The following PACSIN2 variants were observed in gnomAD, a reference collection of about 807,000 sequenced individuals.
The protein encoded by PACSIN2 is protein kinase C and casein kinase substrate in neurons 2.
A neutral mutation model predicts 63.8 loss-of-function variants in PACSIN2; 25 were observed. That is an observed-to-expected ratio of 0.39 (90% CI 0.29 to 0.55). The LOEUF (loss-of-function observed/expected upper bound fraction) is 0.55. Among genes scored for constraint, PACSIN2 ranks in the 20% least tolerant of loss-of-function variants. The pLI, the probability that PACSIN2 is intolerant of heterozygous loss-of-function variation, is 0.62. For synonymous variants in PACSIN2, 255 were observed against 256.2 expected (o/e 1.00, Z 0.05); for missense variants, 518 against 646.9 (o/e 0.80, Z 2.16).
At chr22:42,911,917 G>A (rs1650862084) in intron 2 of PACSIN2, 104 bp downstream of exon 2, 1 of 771,722 alleles carries the variant, frequency 1.3e-6, no homozygotes, top group African/African-American at 1.8e-5. Flanking sequence ...CTGGTTTGGG[G>A]GTATGTTCAC....
chr22:42,998,615 T>C (rs1164966499), intron 1 of PACSIN2, among the ~76,000 whole-genome samples: 3 of 152,246 alleles, frequency 2.0e-5, no homozygotes, highest in East Asian at 1.9e-4. Flanking sequence ...AGTAAACTGG[T>C]ATTTTGTTAA....
At chr22:42,895,886 G>A (rs992067979) in intron 2 of PACSIN2, among the ~76,000 whole-genome samples, 2 of 152,182 alleles carry the variant, frequency 1.3e-5, no homozygotes, top group Non-Finnish European at 2.9e-5. Context: ...GTTGTGTGGT[G>A]GCCGGTGAAG....
At chr22:43,012,544 G>C (rs1415305445) in intron 1 of PACSIN2, among the ~76,000 whole-genome samples, 1 of 151,998 alleles carries the variant, frequency 6.6e-6, no homozygotes, top group Non-Finnish European at 1.5e-5. Context: ...GCAGTGGTGT[G>C]ATCTCAGTGC....
At chr22:42,968,820 G>C (rs1489259713) in intron 1 of PACSIN2, among the ~76,000 whole-genome samples, 1 of 152,198 alleles carries the variant, frequency 6.6e-6, no homozygotes, top group Non-Finnish European at 1.5e-5. Context: ...GCCAGCCTTT[G>C]GACTCCTGGA....
At chr22:42,918,007 T>C (rs1931926183) in intron 1 of PACSIN2, among the ~76,000 whole-genome samples, 1 of 152,170 alleles carries the variant, frequency 6.6e-6, no homozygotes, top group Admixed American at 6.5e-5. Flanking sequence ...AAATATAATG[T>C]TTACTGCACC....
intron 2 of PACSIN2, among the ~76,000 whole-genome samples, chr22:42,904,717 G>GC (rs5845570): frequency 6.6e-6 from 1 of 151,832 alleles, no homozygotes; most frequent in Non-Finnish European, 1.5e-5. Context: ...TGCTTCCACA[G>GC]CCCCCCCATA....
intron 1 of PACSIN2, among the ~76,000 whole-genome samples, chr22:43,006,875 C>A (rs1030504880): frequency 6.6e-6 from 1 of 152,152 alleles, no homozygotes; most frequent in Non-Finnish European, 1.5e-5. Flanking sequence ...CAACCAAACA[C>A]GTAAATGCAG....
intron 7 of PACSIN2, among the ~76,000 whole-genome samples, chr22:42,881,517 G>A (rs1365379839): frequency 6.6e-6 from 1 of 152,172 alleles, no homozygotes; most frequent in East Asian, 1.9e-4. Flanking sequence ...GGCAGCTGAC[G>A]CCACGTGCTT....
chr22:43,014,855 CCA>C (rs956563910), intron 1 of PACSIN2, among the ~76,000 whole-genome samples, 164 bp downstream of exon 1: 2 of 151,536 alleles, frequency 1.3e-5, no homozygotes, highest in African/African-American at 4.8e-5. Context: ...TCGCCCCCTC[CCA>C]CAGAGACAGG....
At position 42,871,954 on chromosome 22, in the gene PACSIN2, C is replaced by T. The variant is rs1928178790; in HGVS notation, c.1349-485G>A. Among the ~76,000 whole-genome samples the T allele has an allele frequency of 6.6e-6, 1 of 152,180 alleles. No homozygotes were observed. Among genetic ancestry groups the T allele is most frequent in the East Asian group, 1.9e-4 (1 of 5,186 alleles). ...AGGCTGCGAGGGGAAGGGACCATGT[C>T]TGACAGTCATACCTGTCATTTTATC... is the stretch of plus-strand genomic sequence containing the variant. On this transcript the variant is annotated intron_variant, in intron 10 of 10. Transcript: ENST00000263246. The surrounding 1 kb of genome is among the most constrained non-coding windows in gnomAD (Gnocchi z 5.4).
intron 1 of PACSIN2, among the ~76,000 whole-genome samples, chr22:42,995,402 G>C (rs1923329175): frequency 6.6e-6 from 1 of 152,110 alleles, no homozygotes; most frequent in Non-Finnish European, 1.5e-5. Context: ...TGCTTGGTTG[G>C]GACTGAGTCA....
chr22:42,893,560 G>A lies in PACSIN2; in HGVS notation c.114C>T (p.Cys38=). ...VKRIDDGHRL[C]SDLMNCLHER... ...CATGCAGGCAGTTCATGAGGTCGCT[G>A]CACAGGCGGTGGCCATCGTCGATCC... Residue 38 remains cysteine (C), a synonymous_variant, in exon 3 of 11, where the codon TGC becomes TGT. Coordinates refer to ENST00000263246, the MANE Select transcript of PACSIN2 (RefSeq NM_001184970.3). 6.2e-7 allele frequency: 1 copy of A among 1,614,144 alleles called. No individual in the cohort carries two copies. Among genetic ancestry groups the A allele is most frequent in the African/African-American group, 1.3e-5 (1 of 75,056 alleles).
chr22:43,012,204 A>ACATACAT (rs1569380215), intron 1 of PACSIN2, among the ~76,000 whole-genome samples: 1 of 129,744 alleles, frequency 7.7e-6, no homozygotes, highest in Non-Finnish European at 1.7e-5. Context: ...CATACATACA[A>ACATACAT]ACATACAAAA....
chr22:42,940,881 T>G (rs1933127742), intron 1 of PACSIN2, among the ~76,000 whole-genome samples: 1 of 152,214 alleles, frequency 6.6e-6, no homozygotes, highest in South Asian at 2.1e-4. Flanking sequence ...ATTCTTGCTA[T>G]TTTTCTAACA....
chr22:42,879,186 G>A lies in PACSIN2; in HGVS notation c.907-17C>T, dbSNP rs367809915. On this transcript the variant is annotated splice_polypyrimidine_tract_variant and intron_variant, in intron 7 of 10. Transcript: ENST00000263246. ...GGACCACTCCTAGGCAACAGGTGCCGAGGGAGAGAAACCAAAGGTTCACTA... is the reference window on the plus strand; with the variant it reads ...GGACCACTCCTAGGCAACAGGTGCCAAGGGAGAGAAACCAAAGGTTCACTA... The A allele has an allele frequency of 1.7e-5, 28 of 1,609,704 alleles. No individual in the cohort carries two copies. The African/African-American group carries it at 2.1e-4, about 12-fold the overall frequency.
intron 6 of PACSIN2, 128 bp from the exon 7 acceptor site, chr22:42,882,432 G>C (rs2146647332): frequency 9.8e-7 from 1 of 1,020,774 alleles, no homozygotes; most frequent in Non-Finnish European, 1.4e-6. Flanking sequence ...GACAGAGCCA[G>C]AACACTCCTC....
At chr22:42,956,494 T>C (rs1176231954) in intron 1 of PACSIN2, among the ~76,000 whole-genome samples, 1 of 151,512 alleles carries the variant, frequency 6.6e-6, no homozygotes, top group Non-Finnish European at 1.5e-5. Context: ...GCAAACAATG[T>C]CATTCATTCA....
At position 42,893,617 on chromosome 22, in the gene PACSIN2, GGA is replaced by G; in HGVS notation, c.61-6_61-5del. ...CAGTCCGCTTGTAGTTCCCGACCTA[GGA>G]GAGAGAACCAGCTGGGAGGCAGGGG... is the stretch of plus-strand genomic sequence containing the variant. On this transcript the variant is annotated splice_polypyrimidine_tract_variant and splice_region_variant and intron_variant, in intron 2 of 10. Coordinates refer to ENST00000263246, the MANE Select transcript of PACSIN2 (RefSeq NM_001184970.3). 18 of 1,611,494 alleles carry G rather than the reference GGA, an allele frequency of 1.1e-5. No individual in the cohort carries two copies. Among genetic ancestry groups the G allele is most frequent in the Non-Finnish European group, 1.5e-5 (18 of 1,177,880 alleles).
intron 1 of PACSIN2, among the ~76,000 whole-genome samples, chr22:42,942,100 C>CTT (rs11404921): frequency 0.026 from 3,476 of 132,096 alleles, 155 homozygotes; most frequent in African/African-American, 0.087. Flanking sequence ...TTTAAGAGTT[C>CTT]TTTTTTTTTT....
Sources: gnomAD v4.1 joint callset for allele counts (sites outside exome capture counted in the v4.1 genomes callset) on GRCh38, gnomAD v4.1.1 for gene constraint, Gnocchi (gnomAD v3.1) non-coding constraint, MANE v1.5 for transcripts, NCBI Gene and HGNC (gene_info 2026-07-23, HGNC 2026-07-21) for gene names.